The following DCAF1 variants were observed in gnomAD, a reference collection of about 807,000 sequenced individuals.
DCAF1 encodes the protein DDB1 and CUL4 associated factor 1.
DCAF1 carries 15 observed loss-of-function variants against 128.0 expected under a neutral mutation model. That is an observed-to-expected ratio of 0.12 (90% CI 0.08 to 0.18). DCAF1 has a LOEUF of 0.18. Ranked by LOEUF, DCAF1 falls within the 10% of genes least tolerant of loss-of-function variation. The probability of loss-of-function intolerance (pLI) is 1.00; values close to 1 mark genes in which losing one functional copy is unlikely to be tolerated. For synonymous variants in DCAF1, 610 were observed against 603.0 expected (o/e 1.01, Z -0.17); for missense variants, 988 against 1,649.5 (o/e 0.60, Z 6.95).
intron 3 of DCAF1, among the ~76,000 whole-genome samples, chr3:51,483,509 A>G (rs1410512929): frequency 6.6e-6 from 1 of 152,048 alleles, no homozygotes; most frequent in Non-Finnish European, 1.5e-5. Context: ...GATAAAGACT[A>G]AATCTGAGGA....
chr3:51,426,351 A>G (rs1699908139), intron 13 of DCAF1, among the ~76,000 whole-genome samples: 1 of 151,990 alleles, frequency 6.6e-6, no homozygotes, highest in Non-Finnish European at 1.5e-5. Context: ...CTGGGACTAC[A>G]GGTGCGTAAC....
At chr3:51,498,220 C>A (rs1306591370) in intron 1 of DCAF1, among the ~76,000 whole-genome samples, 2 of 150,722 alleles carry the variant, frequency 1.3e-5, no homozygotes, top group African/African-American at 4.9e-5. Flanking sequence ...ATTATCCGGG[C>A]GTGGTGGCGC....
chr3:51,497,968 T>G (rs535823993), intron 1 of DCAF1, among the ~76,000 whole-genome samples: 1 of 136,682 alleles, frequency 7.3e-6, no homozygotes, highest in Non-Finnish European at 1.5e-5. Context: ...GAGAATGGCG[T>G]GAACCTGGGA....
chr3:51,485,881 A>G (rs1706877297), intron 2 of DCAF1, among the ~76,000 whole-genome samples: 2 of 17,664 alleles, frequency 1.1e-4, no homozygotes, highest in Admixed American at 8.7e-4. Flanking sequence ...CAAAAAGATT[A>G]TTTATTTTTT....
At chr3:51,402,566 A>ATTTTTTTTTTTTTTT (rs540396047) in intron 24 of DCAF1, among the ~76,000 whole-genome samples, 1 of 84,984 alleles carries the variant, frequency 1.2e-5, no homozygotes, top group Non-Finnish European at 2.0e-5. Context: ...CCTACAAAGC[A>ATTTTTTTTTTTTTTT]TTTTTTTTTT....
rs563464588 is a variant in DCAF1 at position 51,497,025 on chromosome 3, T to C, written c.-55-245A>G. On this transcript the variant is annotated intron_variant, in intron 1 of 24. Coordinates refer to ENST00000684031, the MANE Select transcript of DCAF1 (RefSeq NM_001387579.1). ...ATTAACAACTGTTTGCCAGGCACTA[T>C]GGCTCATGCCTGTAATCCTAGCACT... 2.6e-5 allele frequency among the ~76,000 whole-genome samples: 4 copies of C among 152,312 alleles called. No homozygotes were observed. In the South Asian group the frequency reaches 8.3e-4, roughly 32 times the overall value.
chr3:51,453,770 T>G (rs570613056), intron 6 of DCAF1, among the ~76,000 whole-genome samples: 2 of 152,094 alleles, frequency 1.3e-5, no homozygotes, highest in African/African-American at 4.8e-5. Context: ...CTGACCAACA[T>G]GGAGAAACCC....
rs1553629495 is a variant in DCAF1, at chr3:51,413,988, C to T, written c.3893G>A (p.Arg1298His). ...LHTVPALDQC[R>H]VVFNHTGTVM... ...TGTTCCCGTGTGATTGAACACCACG[C>T]GACACTGATCCAGAGCGGGAACAGT... Residue 1298 changes from arginine to histidine, a missense_variant, in exon 20 of 25, where the codon CGC becomes CAC. Arg to His is a conservative substitution (Grantham distance 29). Transcript: ENST00000684031. The T allele has an allele frequency of 5.6e-6, 9 of 1,603,032 alleles. No homozygotes were observed. Among genetic ancestry groups the T allele is most frequent in the South Asian group, 1.1e-5 (1 of 87,946 alleles).
intron 23 of DCAF1, 95 bp downstream of exon 23, chr3:51,412,284 G>A: frequency 3.2e-6 from 5 of 1,555,740 alleles, no homozygotes; most frequent in Non-Finnish European, 4.3e-6. Context: ...AGGTAGCAAA[G>A]GTTGAGTAGA....
chr3:51,499,679 A>C (rs1362941656), intron 1 of DCAF1, among the ~76,000 whole-genome samples, 194 bp downstream of exon 1: 3 of 151,560 alleles, frequency 2.0e-5, no homozygotes, highest in Non-Finnish European at 2.9e-5. Context: ...CAGGACAAGA[A>C]TCAGGAGGAG....
chr3:51,427,702 G>C (rs1249507007), intron 12 of DCAF1, among the ~76,000 whole-genome samples, 161 bp from the exon 13 acceptor site: 1 of 151,882 alleles, frequency 6.6e-6, no homozygotes, highest in Non-Finnish European at 1.5e-5. Context: ...GCTTGATCAC[G>C]GCTCACTGTA....
chr3:51,498,415 C>T (rs530009744), intron 1 of DCAF1, among the ~76,000 whole-genome samples: 82 of 150,872 alleles, frequency 5.4e-4, no homozygotes, highest in Non-Finnish European at 1.1e-3. Flanking sequence ...CACTGCACTC[C>T]AGCCTAGGCT....
intron 19 of DCAF1, 94 bp downstream of exon 19, chr3:51,414,530 C>CT: frequency 6.6e-7 from 1 of 1,512,864 alleles, no homozygotes; most frequent in East Asian, 2.3e-5. Context: ...AGTGTGGACA[C>CT]TTTAACCAGG....
At position 51,441,613 on chromosome 3, in the gene DCAF1, T is replaced by G. The variant is rs1553638729; in HGVS notation, c.798A>C (p.Lys266Asn). 1 of 1,614,012 alleles carries G rather than the reference T, an allele frequency of 6.2e-7. No individual in the cohort carries two copies. The highest frequency in any genetic ancestry group is 1.7e-5 in the Admixed American group (1 of 60,010). The change falls in exon 8 of 25, where the codon AAA becomes AAC. Residue 266 changes from lysine to asparagine, a missense_variant. Physicochemically the swap from Lys to Asn is moderately conservative, Grantham distance 94. This residue lies in a region of DCAF1 where 210 missense variants were observed against 260.2 expected (regional missense o/e 0.81). Transcript: ENST00000684031. ...TGTCACCCTGTTTTGCTGACTTGTT[T>G]TTCTTTAATCCTCCATCCTCAGGTT... is the stretch of plus-strand genomic sequence containing the variant. Reference protein sequence around the residue: ...TTKPEDGGLKKNKSAKQGDRE... With the variant: ...TTKPEDGGLKNNKSAKQGDRE...
At chr3:51,417,613 G>C (rs891753380) in intron 17 of DCAF1, among the ~76,000 whole-genome samples, 1 of 151,966 alleles carries the variant, frequency 6.6e-6, no homozygotes, top group African/African-American at 2.4e-5. Flanking sequence ...CCAGCTGCTC[G>C]GGAGGCTAAG....
At chr3:51,432,267 TAAAAAAA>T (rs879192648) in intron 10 of DCAF1, among the ~76,000 whole-genome samples, 4 of 99,042 alleles carry the variant, frequency 4.0e-5, no homozygotes, top group African/African-American at 1.6e-4. Context: ...CAAGATTCTG[TAAAAAAA>T]AAAAAAAAAA....
intron 18 of DCAF1, 147 bp downstream of exon 18, chr3:51,416,640 A>C: frequency 8.5e-7 from 1 of 1,181,946 alleles, no homozygotes; most frequent in South Asian, 1.4e-5. Flanking sequence ...TCAGAACTAT[A>C]TTATCATACT....
At chr3:51,414,964 C>T in intron 18 of DCAF1, 107 bp from the exon 19 acceptor site, 1 of 1,439,744 alleles carries the variant, frequency 6.9e-7, no homozygotes, top group Non-Finnish European at 9.3e-7. Context: ...ACAAATTCTC[C>T]ACATGGATCA....
chr3:51,460,498 T>C (rs564609698), intron 6 of DCAF1, among the ~76,000 whole-genome samples: 57 of 152,244 alleles, frequency 3.7e-4, no homozygotes, highest in African/African-American at 1.3e-3. Context: ...AGGTAATTTA[T>C]AGATTCAATG....
Sources: allele counts gnomAD v4.1 joint callset (sites outside exome capture counted in the v4.1 genomes callset), GRCh38; gene constraint gnomAD v4.1.1; regional missense constraint gnomAD v4.1.1; transcripts MANE v1.5; gene names NCBI Gene and HGNC (gene_info 2026-07-23, HGNC 2026-07-21).